The following C4orf51 variants were observed in gnomAD, a reference collection of about 807,000 sequenced individuals.
C4orf51 encodes chromosome 4 open reading frame 51, also known as uncharacterized protein C4orf51.
A neutral mutation model predicts 25.2 loss-of-function variants in C4orf51; 25 were observed. That is an observed-to-expected ratio of 0.99 (90% confidence interval 0.72 to 1.39). C4orf51 has a LOEUF of 1.39. Ranked by LOEUF, C4orf51 falls within the 40% of genes most tolerant of loss-of-function variation. The pLI, the probability that C4orf51 is intolerant of heterozygous loss-of-function variation, is 0.00. For missense variants in C4orf51, 252 were observed against 239.6 expected, an observed-to-expected ratio of 1.05 and a Z score of -0.34; for synonymous variants, 100 against 84.5, an observed-to-expected ratio of 1.18 and a Z score of -1.01.
intron 2 of C4orf51, among the ~76,000 whole-genome samples, chr4:145,697,490 T>C (rs1447045546): frequency 2.6e-5 from 4 of 152,236 alleles, no homozygotes; most frequent in African/African-American, 9.6e-5. Flanking sequence ...AACTGAAAGT[T>C]TGTACTCTTT....
intron 2 of C4orf51, among the ~76,000 whole-genome samples, chr4:145,726,490 T>C (rs1035644067): frequency 2.6e-5 from 4 of 152,162 alleles, no homozygotes; most frequent in Non-Finnish European, 5.9e-5. Context: ...CATCTTCCAC[T>C]TCCCAGGCTC....
downstream of C4orf51, chr4:145,775,854 G>A (rs142722064): frequency 2.2e-3 from 3,584 of 1,614,114 alleles, 8 homozygotes; most frequent in Non-Finnish European, 2.8e-3. Flanking sequence ...CAATGTCCTC[G>A]GTGTCTGTAC....
At chr4:145,789,577 C>T in the C4orf51 span, among the ~76,000 whole-genome samples, 1 of 152,284 alleles carries the variant, frequency 6.6e-6, no homozygotes, top group African/African-American at 2.4e-5. Flanking sequence ...AAAGCAAAAA[C>T]AGTATCAGGC....
rs192699330 is a variant in C4orf51, at chr4:145,763,498, C to T, written n.167-7490C>T. Among the ~76,000 whole-genome samples the T allele has an allele frequency of 1.4e-4, 21 of 152,326 alleles. No individual in the cohort carries two copies. Among genetic ancestry groups the T allele is most frequent in the African/African-American group, 4.1e-4 (17 of 41,580 alleles). The stretch of plus-strand genomic sequence containing the variant: ...TACACAGGGGACGGTTAGCACCGCA[C>T]GGGAAGTGTCTGTACCAGCAAAAGC... On this transcript the variant is annotated intron_variant and non_coding_transcript_variant, in intron 1 of 1. Transcript: ENST00000510096. This position sits in a 1 kb window ranked among gnomAD's most constrained non-coding sequence, Gnocchi z 4.6.
At chr4:145,784,798 T>C in the C4orf51 span, among the ~76,000 whole-genome samples, 2 of 152,348 alleles carry the variant, frequency 1.3e-5, no homozygotes, top group South Asian at 2.1e-4. Flanking sequence ...ATAGCTTGAA[T>C]GTATACTTAA....
At chr4:145,718,110 C>T (rs566918872) in intron 2 of C4orf51, among the ~76,000 whole-genome samples, 2 of 152,346 alleles carry the variant, frequency 1.3e-5, no homozygotes, top group East Asian at 3.9e-4. Context: ...CTGTGCCCCA[C>T]ATCTGTACTG....
At chr4:145,734,054 G>A (rs1732662223), downstream of C4orf51, among the ~76,000 whole-genome samples, 1 of 152,200 alleles carries the variant, frequency 6.6e-6, no homozygotes, top group African/African-American at 2.4e-5. Flanking sequence ...TTCTAAAAAT[G>A]AAGGCTAACA....
chr4:145,718,705 C>T lies in C4orf51; in HGVS notation c.308-8206C>T, dbSNP rs560407395. ...TTACCATGGCCTGGAAGGTCTTGCA[C>T]GAATGTGACCTTGCCTATCTTTCCA... On this transcript the variant is annotated intron_variant, in intron 2 of 5. Transcript: ENST00000438731. Among the ~76,000 whole-genome samples the T allele has an allele frequency of 2.1e-4, 32 of 152,330 alleles. 1 individual carries two copies. Among genetic ancestry groups the T allele is most frequent in the South Asian group, 8.3e-4 (4 of 4,824 alleles).
At position 145,688,272 on chromosome 4, in the gene C4orf51, A is replaced by C. The variant is rs184102563; in HGVS notation, c.233+7836A>C. ...CACATCTCTGCAAAGAAATGTAATC[A>C]AAGATGTGCAAGATCTCCACTCAGA... On this transcript the variant is annotated intron_variant, in intron 1 of 5. Transcript: ENST00000438731. 2.5e-3 allele frequency among the ~76,000 whole-genome samples: 379 copies of C among 152,058 alleles called. 5 individuals carry two copies. Among genetic ancestry groups the C allele is most frequent in the Non-Finnish European group, 3.5e-3 (237 of 67,978 alleles).
At chr4:145,733,175 C>G (rs1029676498), downstream of C4orf51, among the ~76,000 whole-genome samples, 1 of 152,148 alleles carries the variant, frequency 6.6e-6, no homozygotes, top group African/African-American at 2.4e-5. Context: ...TGCCCCTCCC[C>G]TCCCCGGTCC....
chr4:145,763,063 C>T lies in C4orf51; in HGVS notation n.167-7925C>T, dbSNP rs1490522699. On this transcript the variant is annotated intron_variant and non_coding_transcript_variant, in intron 1 of 1. Transcript: ENST00000510096. The surrounding 1 kb of genome is among the most constrained non-coding windows in gnomAD (Gnocchi z 4.6). ...CCCATTCCCAGGTCAGGTGCACACACAACCCCTACGCCAAGCTGGGCCTTA... is the reference window on the plus strand; with the variant it reads ...CCCATTCCCAGGTCAGGTGCACACATAACCCCTACGCCAAGCTGGGCCTTA... 1.3e-6 allele frequency: 2 copies of T among 1,534,552 alleles called. No homozygotes were observed. The highest frequency in any genetic ancestry group is 1.7e-6 in the Non-Finnish European group (2 of 1,145,956).
At chr4:145,782,050 C>T in the C4orf51 span, among the ~76,000 whole-genome samples, 1 of 152,210 alleles carries the variant, frequency 6.6e-6, no homozygotes, top group African/African-American at 2.4e-5. Flanking sequence ...GGAAGAATCC[C>T]CGGAGTCGCA....
chr4:145,776,421 A>G, the C4orf51 span, among the ~76,000 whole-genome samples: 1 of 151,586 alleles, frequency 6.6e-6, no homozygotes, highest in African/African-American at 2.4e-5. Context: ...CAATCACATC[A>G]CTGCACTCCA....
chr4:145,693,187 C>A (rs1316479500), intron 1 of C4orf51, among the ~76,000 whole-genome samples: 20 of 149,078 alleles, frequency 1.3e-4, no homozygotes, highest in Non-Finnish European at 2.4e-4. Flanking sequence ...CGGCCTTCCG[C>A]AGTGTTTGTG....
chr4:145,782,692 G>A, the C4orf51 span, among the ~76,000 whole-genome samples: 1 of 152,138 alleles, frequency 6.6e-6, no homozygotes, highest in East Asian at 1.9e-4. Flanking sequence ...ATCATGTCTT[G>A]TTCTGTATGG....
intron 1 of C4orf51, among the ~76,000 whole-genome samples, chr4:145,690,020 C>G (rs1226126098): frequency 6.6e-6 from 1 of 151,324 alleles, no homozygotes; most frequent in Non-Finnish European, 1.5e-5. Context: ...GCCTTGCTAA[C>G]ATGGTGAAAC....
intron 2 of C4orf51, among the ~76,000 whole-genome samples, chr4:145,711,643 T>C (rs147659472): frequency 1.4e-4 from 21 of 152,314 alleles, no homozygotes; most frequent in African/African-American, 3.8e-4. Context: ...TTGGGTAGTT[T>C]CAAATGATCT....
chr4:145,711,884 C>T (rs1731153493), intron 2 of C4orf51, among the ~76,000 whole-genome samples: 1 of 152,124 alleles, frequency 6.6e-6, no homozygotes, highest in South Asian at 2.1e-4. Flanking sequence ...AACCTTGCAT[C>T]AAGCAAATCT....
At chr4:145,710,336 C>G (rs1158366571) in intron 2 of C4orf51, among the ~76,000 whole-genome samples, 2 of 152,184 alleles carry the variant, frequency 1.3e-5, no homozygotes, top group Non-Finnish European at 2.9e-5. Flanking sequence ...CAACAGGTGA[C>G]TTGAAAGATC....
Sources: allele counts gnomAD v4.1 joint callset (sites outside exome capture counted in the v4.1 genomes callset), GRCh38; gene constraint gnomAD v4.1.1; non-coding constraint Gnocchi (gnomAD v3.1); transcripts MANE v1.5; gene names NCBI Gene and HGNC (gene_info 2026-07-23, HGNC 2026-07-21).